Variants in COL24A1 observed in about 807,000 individuals in gnomAD.
COL24A1 encodes collagen alpha-1(XXIV) chain.
In COL24A1, 224 loss-of-function variants were observed where a neutral mutation model predicts 253.9. The ratio of observed to expected loss-of-function variants is 0.88; its 90% CI spans 0.79 to 0.99. The LOEUF is 0.99. COL24A1 is among the 50% of genes least tolerant of loss of function. The probability of loss-of-function intolerance (pLI) is 0.00; values close to 1 mark genes in which losing one functional copy is unlikely to be tolerated. For synonymous variants in COL24A1, 685 were observed against 673.7 expected, an observed-to-expected ratio of 1.02 and a Z score of -0.26; for missense variants, 2,131 against 2,068.5, an observed-to-expected ratio of 1.03 and a Z score of -0.59.
chr1:85,948,577 T>C (rs1689575831), intron 24 of COL24A1, among the ~76,000 whole-genome samples: 2 of 149,314 alleles, frequency 1.3e-5, no homozygotes, highest in South Asian at 4.2e-4. Context: ...CTGTTTCTTA[T>C]ATTATAAATA....
chr1:85,929,803 G>A (rs1470110332), intron 24 of COL24A1, among the ~76,000 whole-genome samples: 1 of 151,090 alleles, frequency 6.6e-6, no homozygotes, highest in Admixed American at 6.6e-5. Context: ...TCAACTACAT[G>A]GAAACTGAAC....
chr1:85,831,018 G>A (rs775920702), intron 43 of COL24A1, among the ~76,000 whole-genome samples: 3 of 152,072 alleles, frequency 2.0e-5, no homozygotes, highest in Non-Finnish European at 2.9e-5. Flanking sequence ...AATGTTTACG[G>A]TTTAAGTTTC....
At chr1:85,735,038 A>G in intron 58 of COL24A1, 74 bp from the exon 59 acceptor site, 1 of 1,432,890 alleles carries the variant, frequency 7.0e-7, no homozygotes, top group Non-Finnish European at 9.6e-7. Flanking sequence ...AAACCTGAGG[A>G]AAAGTCCTTC....
At chr1:85,816,563 T>A (rs970726718) in intron 47 of COL24A1, among the ~76,000 whole-genome samples, 1 of 152,184 alleles carries the variant, frequency 6.6e-6, no homozygotes, top group Non-Finnish European at 1.5e-5. Flanking sequence ...TAAAATGGCA[T>A]GAATTATTAA....
chr1:85,959,182 T>G (rs1417222424), intron 24 of COL24A1, among the ~76,000 whole-genome samples: 1 of 152,134 alleles, frequency 6.6e-6, no homozygotes, highest in Non-Finnish European at 1.5e-5. Context: ...TCTAAGATTT[T>G]GAAATTAGAA....
At chr1:85,812,147 C>T (rs1461259725) in intron 47 of COL24A1, among the ~76,000 whole-genome samples, 2 of 152,202 alleles carry the variant, frequency 1.3e-5, no homozygotes, top group African/African-American at 4.8e-5. Context: ...TAATCGAATT[C>T]ACTGAACCAT....
chr1:86,051,731 T>C (rs1700320388), intron 10 of COL24A1, among the ~76,000 whole-genome samples: 1 of 152,124 alleles, frequency 6.6e-6, no homozygotes, highest in Non-Finnish European at 1.5e-5. Flanking sequence ...GTGGGTCACA[T>C]AGGTCTCTAT....
chr1:86,144,082 C>T (rs1651531280), intron 2 of COL24A1, among the ~76,000 whole-genome samples: 1 of 151,848 alleles, frequency 6.6e-6, no homozygotes, highest in African/African-American at 2.4e-5. Flanking sequence ...TTTTTGTGCT[C>T]AAAAATATTC....
chr1:86,048,793 T>A (rs1700102461), intron 11 of COL24A1, among the ~76,000 whole-genome samples: 1 of 152,066 alleles, frequency 6.6e-6, no homozygotes. Flanking sequence ...CCCGGCCAGG[T>A]CTTGATATTT....
rs764663976 is a variant in COL24A1, at chr1:86,022,988, C to T, written c.2069G>A (p.Gly690Glu). 3.7e-6 allele frequency: 6 copies of T among 1,612,996 alleles called. No homozygotes were observed. The South Asian group carries it at 6.6e-5, about 18-fold the overall frequency. Residue 690 changes from glycine (G) to glutamate (E), a missense_variant, in exon 15 of 60, where the codon GGA becomes GAA. Physicochemically the swap from Gly to Glu is moderately conservative, Grantham distance 98. Transcript: ENST00000370571. Reference sequence around the variant, plus strand: ...AGGAATTCCAGCAGGTCCAATTGGTCCCACAGGGCCAACACTGCCCTGGAA... The same window carrying T: ...AGGAATTCCAGCAGGTCCAATTGGTTCCACAGGGCCAACACTGCCCTGGAA... Reference protein sequence around the residue: ...PGLRGSVGPVGPIGPAGIPGP... With the variant: ...PGLRGSVGPVEPIGPAGIPGP...
intron 39 of COL24A1, among the ~76,000 whole-genome samples, chr1:85,845,434 T>C (rs1234583195): frequency 4.0e-5 from 6 of 151,878 alleles, no homozygotes; most frequent in African/African-American, 1.4e-4. Flanking sequence ...ATAAATGGTA[T>C]ATCTAAAAAA....
intron 11 of COL24A1, among the ~76,000 whole-genome samples, chr1:86,048,715 C>T (rs1220710013): frequency 6.6e-6 from 1 of 152,136 alleles, no homozygotes; most frequent in African/African-American, 2.4e-5. Flanking sequence ...TGGTCTTGAT[C>T]TCCTGACCTC....
chr1:85,888,414 C>T (rs1403618470), intron 32 of COL24A1, among the ~76,000 whole-genome samples: 2 of 152,092 alleles, frequency 1.3e-5, no homozygotes, highest in African/African-American at 4.8e-5. Flanking sequence ...TCACCTGCCT[C>T]ATTTCTATCC....
intron 43 of COL24A1, among the ~76,000 whole-genome samples, chr1:85,834,678 C>T (rs553557953): frequency 6.6e-6 from 1 of 152,180 alleles, no homozygotes; most frequent in African/African-American, 2.4e-5. Context: ...GACTTCATCT[C>T]TCCTAAGTTT....
chr1:85,868,693 G>T (rs889186314), intron 36 of COL24A1, 67 bp from the exon 37 acceptor site: 10 of 1,492,298 alleles, frequency 6.7e-6, no homozygotes, highest in Non-Finnish European at 9.2e-6. Flanking sequence ...TAATAAACAG[G>T]TTTTTGTCAC....
chr1:85,876,633 G>A lies in COL24A1; in HGVS notation c.3030+489C>T, dbSNP rs1307151210. On this transcript the variant is annotated intron_variant, in intron 33 of 59. Transcript: ENST00000370571. ...GCAACTTCAGGTCAAGACTGAGAAA[G>A]GCTAATGAGAAGGTGAAGTGACAAC... is the stretch of plus-strand genomic sequence containing the variant. Among the ~76,000 whole-genome samples, 5 of 152,114 alleles carry A rather than the reference G, an allele frequency of 3.3e-5. No homozygotes were observed. The East Asian group carries it at 9.6e-4, about 29-fold the overall frequency.
intron 53 of COL24A1, among the ~76,000 whole-genome samples, chr1:85,769,595 T>G (rs1244959236): frequency 6.6e-6 from 1 of 151,660 alleles, no homozygotes; most frequent in Non-Finnish European, 1.5e-5. Flanking sequence ...AAGGGTATGG[T>G]AGAGAAATAA....
intron 45 of COL24A1, among the ~76,000 whole-genome samples, chr1:85,821,304 A>T (rs927212731): frequency 6.6e-6 from 1 of 152,172 alleles, no homozygotes; most frequent in Non-Finnish European, 1.5e-5. Context: ...ATTTTACTTA[A>T]TTTTTAAAAG....
intron 47 of COL24A1, among the ~76,000 whole-genome samples, chr1:85,797,878 C>T (rs551326664): frequency 2.9e-4 from 44 of 152,058 alleles, no homozygotes; most frequent in African/African-American, 5.1e-4. Flanking sequence ...GGCTAGACCA[C>T]GAAGAAACAT....
Sources: allele counts gnomAD v4.1 joint callset (sites outside exome capture counted in the v4.1 genomes callset), GRCh38; gene constraint gnomAD v4.1.1; transcripts MANE v1.5; gene names NCBI Gene and HGNC (gene_info 2026-07-23, HGNC 2026-07-21).